DSCAM: variants seen among roughly 807,000 people sequenced by gnomAD.
DSCAM encodes DS cell adhesion molecule, also known as cell adhesion molecule DSCAM.
Under a neutral mutation model 217.7 loss-of-function variants are expected in DSCAM, and 47 were observed. The observed-to-expected ratio is 0.22, with a 90% CI of 0.17 to 0.28. The LOEUF is 0.28. Ranked by LOEUF, DSCAM falls within the 10% of genes least tolerant of loss-of-function variation. The probability of loss-of-function intolerance (pLI) is 1.00; values close to 1 mark genes in which losing one functional copy is unlikely to be tolerated. For missense variants in DSCAM, 2,080 were observed against 2,618.3 expected, an observed-to-expected ratio of 0.79 and a Z score of 4.49; for synonymous variants, 1,056 against 1,015.3, an observed-to-expected ratio of 1.04 and a Z score of -0.76.
In DSCAM at chr21:40,311,709, T is replaced by G. The variant is rs192321195; in HGVS notation, c.2062+372A>C. 3.4e-3 allele frequency among the ~76,000 whole-genome samples: 516 copies of G among 152,242 alleles called. 2 individuals are homozygous for G. The highest frequency in any genetic ancestry group is 0.011 in the African/African-American group (461 of 41,552). On this transcript the variant is annotated intron_variant, in intron 9 of 32. Transcript: ENST00000400454. ...TTGAGACATATTTTTTAAAAAACCA[T>G]TTATTGAAATAAGAAATACTAAAAA... is the stretch of plus-strand genomic sequence containing the variant.
intron 1 of DSCAM, among the ~76,000 whole-genome samples, chr21:40,755,556 C>G (rs1034282623): frequency 2.0e-5 from 3 of 152,076 alleles, no homozygotes; most frequent in Non-Finnish European, 4.4e-5. Context: ...GATAGAAACT[C>G]TGGATTGGTA....
intron 5 of DSCAM, among the ~76,000 whole-genome samples, chr21:40,349,151 A>AAAAAAAAAAAAAAAAAAAAAG: frequency 6.8e-6 from 1 of 147,244 alleles, no homozygotes; most frequent in Non-Finnish European, 1.5e-5. Flanking sequence ...AAAAAAAAAA[A>AAAAAAAAAAAAAAAAAAAAAG]AAAAGAAATG....
At chr21:40,707,655 CTATTA>C (rs1246160219) in intron 2 of DSCAM, among the ~76,000 whole-genome samples, 4 of 152,114 alleles carry the variant, frequency 2.6e-5, no homozygotes, top group Non-Finnish European at 5.9e-5. Context: ...CTTTGCCCTG[CTATTA>C]TATTATGTCA....
chr21:40,244,428 G>A (rs893463371), intron 11 of DSCAM, among the ~76,000 whole-genome samples: 1 of 150,316 alleles, frequency 6.7e-6, no homozygotes, highest in Admixed American at 6.6e-5. Context: ...TCCAGCCTGG[G>A]TGACAGAATG....
At chr21:40,111,515 C>G (rs1303561634) in intron 20 of DSCAM, among the ~76,000 whole-genome samples, 1 of 152,090 alleles carries the variant, frequency 6.6e-6, no homozygotes, top group African/African-American at 2.4e-5. Context: ...AACTAACGAG[C>G]AAAATAACCA....
rs1330981227 is a variant in DSCAM, at chr21:40,393,822, T to C, written c.509-24577A>G. Among the ~76,000 whole-genome samples the C allele has an allele frequency of 2.6e-5, 4 of 152,360 alleles. No homozygotes were observed. In the South Asian group the frequency reaches 8.3e-4, roughly 32 times the overall value. ...TCAATGAATATTGTATGAATGTTGCTAAATTATGAGTGGCTACCTGTCATT... is the reference window on the plus strand; with the variant it reads ...TCAATGAATATTGTATGAATGTTGCCAAATTATGAGTGGCTACCTGTCATT... On this transcript the variant is annotated intron_variant, in intron 3 of 32. Transcript: ENST00000400454.
intron 1 of DSCAM, among the ~76,000 whole-genome samples, chr21:40,737,082 T>A (rs1233270692): frequency 6.6e-6 from 1 of 152,180 alleles, no homozygotes; most frequent in Non-Finnish European, 1.5e-5. Flanking sequence ...TAAGGAAGAT[T>A]CTAGAATTAT....
At chr21:40,834,692 C>A (rs2092042826) in intron 1 of DSCAM, among the ~76,000 whole-genome samples, 2 of 152,088 alleles carry the variant, frequency 1.3e-5, no homozygotes, top group Admixed American at 6.5e-5. Flanking sequence ...GTGCCCTGAG[C>A]AGGCAAGAGG....
At chr21:40,518,529 T>A (rs1568871783) in intron 3 of DSCAM, among the ~76,000 whole-genome samples, 1 of 42,714 alleles carries the variant, frequency 2.3e-5, no homozygotes, top group Non-Finnish European at 3.4e-5. Context: ...ATATATATTT[T>A]ATATATATAT....
intron 3 of DSCAM, among the ~76,000 whole-genome samples, chr21:40,522,316 A>C (rs1277392069): frequency 2.0e-5 from 3 of 152,246 alleles, no homozygotes; most frequent in African/African-American, 7.2e-5. Flanking sequence ...GTGCTGACAC[A>C]AATCCACAAC....
intron 3 of DSCAM, among the ~76,000 whole-genome samples, chr21:40,482,923 T>C (rs188872322): frequency 1.3e-5 from 2 of 152,360 alleles, no homozygotes; most frequent in African/African-American, 2.4e-5. Flanking sequence ...GGGAGGCTAA[T>C]GACACACAGC....
chr21:40,220,006 A>G (rs1343698123), intron 11 of DSCAM, among the ~76,000 whole-genome samples: 1 of 152,268 alleles, frequency 6.6e-6, no homozygotes, highest in East Asian at 1.9e-4. Flanking sequence ...AGGCTATCTA[A>G]GGAGTTAATG....
intron 3 of DSCAM, among the ~76,000 whole-genome samples, chr21:40,493,887 CAT>C (rs71330395): frequency 7.1e-6 from 1 of 141,486 alleles, no homozygotes; most frequent in Non-Finnish European, 1.5e-5. Context: ...AAAATATATA[CAT>C]ATATATACAT....
chr21:40,310,241 G>T (rs1266090027), intron 9 of DSCAM, among the ~76,000 whole-genome samples: 5 of 152,158 alleles, frequency 3.3e-5, no homozygotes, highest in African/African-American at 1.2e-4. Flanking sequence ...CTGGAAGATG[G>T]ATTTACCCCT....
At chr21:40,169,271 AC>A (rs1358845390) in intron 15 of DSCAM, among the ~76,000 whole-genome samples, 3 of 152,026 alleles carry the variant, frequency 2.0e-5, no homozygotes, top group African/African-American at 7.2e-5. Context: ...GCGGGTTGAA[AC>A]CTGATTGTTG....
chr21:40,844,821 A>G (rs2092131324), intron 1 of DSCAM, among the ~76,000 whole-genome samples: 1 of 152,240 alleles, frequency 6.6e-6, no homozygotes, highest in African/African-American at 2.4e-5. Context: ...CTAAAACTGT[A>G]AATAAATACT....
At chr21:40,308,746 A>G (rs901551353) in intron 9 of DSCAM, among the ~76,000 whole-genome samples, 5 of 152,190 alleles carry the variant, frequency 3.3e-5, no homozygotes, top group African/African-American at 1.2e-4. Flanking sequence ...GTTCTTATAT[A>G]TATTAGACCA....
chr21:40,593,649 A>T (rs767348629), intron 3 of DSCAM, among the ~76,000 whole-genome samples: 24 of 152,178 alleles, frequency 1.6e-4, no homozygotes, highest in Non-Finnish European at 8.8e-5. Context: ...CCAGGCTATG[A>T]TGTTTCAATA....
chr21:40,757,702 G>A (rs548897586), intron 1 of DSCAM, among the ~76,000 whole-genome samples: 2 of 152,314 alleles, frequency 1.3e-5, no homozygotes, highest in African/African-American at 2.4e-5. Context: ...AGAATCAAGA[G>A]AGTGCCTCTC....
Sources: allele counts gnomAD v4.1 joint callset (sites outside exome capture counted in the v4.1 genomes callset), GRCh38; gene constraint gnomAD v4.1.1; transcripts MANE v1.5; gene names NCBI Gene and HGNC (gene_info 2026-07-23, HGNC 2026-07-21).